SNX17: variants seen among roughly 807,000 people sequenced by gnomAD.
SNX17 encodes sorting nexin 17, also known as sorting nexin-17.
A neutral mutation model predicts 64.3 loss-of-function variants in SNX17; 35 were observed. That is an observed-to-expected ratio of 0.54 (90% CI 0.42 to 0.72). The LOEUF is 0.72. Ranked by LOEUF, SNX17 falls within the 30% of genes least tolerant of loss-of-function variation. SNX17 has a pLI of 0.00. For missense variants in SNX17, 538 were observed against 610.0 expected (o/e 0.88, Z 1.24); for synonymous variants, 259 against 230.2 (o/e 1.13, Z -1.13).
chr2:27,374,572 A>T (rs548185444), intron 7 of SNX17, 117 bp from the exon 8 acceptor site: 2 of 1,242,100 alleles, frequency 1.6e-6, no homozygotes, highest in African/African-American at 3.0e-5. Flanking sequence ...GCTTCCTCCC[A>T]CTATACCATT....
At position 27,374,800 on chromosome 2, in the gene SNX17, TAAC is replaced by T. The variant is rs777253452; in HGVS notation, c.681+43_681+45del. 2.5e-6 allele frequency: 4 copies of T among 1,578,600 alleles called. No individual in the cohort carries two copies. In the South Asian group the frequency reaches 4.4e-5, roughly 17 times the overall value. On this transcript the variant is annotated intron_variant, in intron 8 of 14. Coordinates refer to ENST00000233575, the MANE Select transcript of SNX17 (RefSeq NM_014748.4). ...CTCAGAACCCTTCCCCTGAAGAAAATAACGGGTGACTCACTCTCCCAAGAAAAC... is the reference window on the plus strand; with the variant it reads ...CTCAGAACCCTTCCCCTGAAGAAAATGGGTGACTCACTCTCCCAAGAAAAC...
intron 4 of SNX17, 74 bp downstream of exon 4, chr2:27,373,385 CAG>C: frequency 2.0e-6 from 3 of 1,495,250 alleles, no homozygotes; most frequent in South Asian, 1.1e-5. Flanking sequence ...TTTTTTGAGA[CAG>C]AGTCTTGCTC....
chr2:27,373,411 G>A lies in SNX17; in HGVS notation c.321+100G>A, dbSNP rs187060248. On this transcript the variant is annotated intron_variant, in intron 4 of 14. Coordinates refer to ENST00000233575, the MANE Select transcript of SNX17 (RefSeq NM_014748.4). ...AGAGTCTTGCTCTTTTGCACAGGCT[G>A]GAGTGCAGTGGTGCGATCTCAGCTC... 1,426 of 1,198,896 alleles carry A rather than the reference G, an allele frequency of 1.2e-3. 8 individuals carry two copies. The African/African-American group carries it at 0.019, about 16-fold the overall frequency. 74.3% of individuals were successfully genotyped at this position (1,198,896 alleles called of 1,614,324 possible).
Position 27,370,755 on chromosome 2 carries a change from C to A in SNX17, c.12C>A (p.Ser4=). 1 of 1,549,346 alleles carries A rather than the reference C, an allele frequency of 6.5e-7. No homozygotes were observed. Among genetic ancestry groups the A allele is most frequent in the South Asian group, 1.2e-5 (1 of 83,974 alleles). ...GTGCCGTAGGGAACATGCACTTTTCCATTCCCGAAACCGAGTCCCGCAGCG... is the reference window on the plus strand; with the variant it reads ...GTGCCGTAGGGAACATGCACTTTTCAATTCCCGAAACCGAGTCCCGCAGCG... The part of the protein sequence containing the change: MHF[S]IPETESRSGD... Residue 4 remains serine (S), a synonymous_variant, in exon 1 of 15, where the codon TCC becomes TCA. Coordinates refer to ENST00000233575, the MANE Select transcript of SNX17 (RefSeq NM_014748.4).
rs376932794 is a variant in SNX17 at position 27,373,228 on chromosome 2, T to G, written c.257-19T>G. 1.1e-4 allele frequency: 175 copies of G among 1,613,938 alleles called. No individual in the cohort carries two copies. Among genetic ancestry groups the G allele is most frequent in the Non-Finnish European group, 1.4e-4 (166 of 1,179,956 alleles). On this transcript the variant is annotated intron_variant, in intron 3 of 14. Coordinates refer to ENST00000233575, the MANE Select transcript of SNX17 (RefSeq NM_014748.4). ...AGTGAGTGCTAAGTTCCTGTAATAA[T>G]GTTCTCTTGTCCTCGTAGTTCGGCA...
chr2:27,373,397 CTT>C (rs928765454), intron 4 of SNX17, 86 bp downstream of exon 4: 11 of 1,407,810 alleles, frequency 7.8e-6, no homozygotes, highest in Non-Finnish European at 1.1e-5. Context: ...GAGTCTTGCT[CTT>C]TTGCACAGGC....
At chr2:27,376,444 G>A (rs760469075) in intron 13 of SNX17, 35 bp from the exon 14 acceptor site, 6 of 1,613,868 alleles carry the variant, frequency 3.7e-6, no homozygotes, top group East Asian at 2.2e-5. Context: ...ACCTCTCCTA[G>A]TGAGTTTCTG....
At chr2:27,372,509 G>A (rs954404399) in intron 2 of SNX17, 114 bp from the exon 3 acceptor site, 3 of 1,466,098 alleles carry the variant, frequency 2.0e-6, no homozygotes, top group African/African-American at 1.4e-5. Context: ...GTAGACAGGG[G>A]AACAGGGACT....
At chr2:27,371,585 C>T (rs1478319719) in intron 2 of SNX17, 4 of 706,594 alleles carry the variant, frequency 5.7e-6, no homozygotes, top group Non-Finnish European at 6.0e-6. Context: ...AGTCTTACTG[C>T]TCTAGTAGCC....
chr2:27,370,719 C>A lies in SNX17; in HGVS notation c.-25C>A. 6.5e-7 allele frequency: 1 copy of A among 1,541,870 alleles called. No homozygotes were observed. The highest frequency in any genetic ancestry group is 1.2e-5 in the South Asian group (1 of 83,588). ...CGCTGCGGCCCTCACAGTCCGGAGC[C>A]CGGCCGTGCCGTGCCGTAGGGAACA... is the stretch of plus-strand genomic sequence containing the variant. On this transcript the variant is annotated 5_prime_UTR_variant, in exon 1 of 15. Transcript: ENST00000233575.
rs575791621 is a variant in SNX17, at chr2:27,376,678, G to A, written c.1372G>A (p.Gly458Ser). 9.9e-6 allele frequency: 16 copies of A among 1,614,174 alleles called. No homozygotes were observed. The highest frequency in any genetic ancestry group is 1.2e-5 in the Non-Finnish European group (14 of 1,180,024). The change falls in exon 15 of 15, where the codon GGC becomes AGC. Residue 458 changes from glycine (G) to serine (S), a missense_variant. Gly to Ser is a moderately conservative substitution (Grantham distance 56, BLOSUM62 0). Transcript: ENST00000233575. ...AGATGCCAGTGCCAGTGATGTCCAC[G>A]GCAATTTCGCCTTCGAGGGCATTGG... is the stretch of plus-strand genomic sequence containing the variant. ...STDASASDVH[G>S]NFAFEGIGDE... is the part of the protein sequence containing the mutation.
intron 1 of SNX17, 107 bp from the exon 2 acceptor site, chr2:27,371,162 G>T (rs1365053945): frequency 1.0e-6 from 1 of 998,156 alleles, no homozygotes; most frequent in African/African-American, 1.6e-5. Flanking sequence ...TCCCTCGGGA[G>T]ATTAGCGCGT....
chr2:27,374,157 G>A lies in SNX17; in HGVS notation c.505G>A (p.Glu169Lys). The A allele has an allele frequency of 6.2e-7, 1 of 1,614,030 alleles. No individual in the cohort carries two copies. The change falls in exon 6 of 15, where the codon GAG (glutamate) becomes AAG (lysine). Residue 169 changes from glutamate (E) to lysine (K), a missense_variant. Glu to Lys is a moderately conservative substitution (Grantham distance 56, BLOSUM62 1). Around this residue, in one of 3 missense-constraint regions of SNX17, gnomAD observed 505 missense variants for 550.4 expected, o/e 0.92. Coordinates refer to ENST00000233575, the MANE Select transcript of SNX17 (RefSeq NM_014748.4). ...YFSLFLVREKEDGAFSFVRKL... is the reference protein window; with the variant it reads ...YFSLFLVREKKDGAFSFVRKL... ...TAGTCTATTCTTAGTTCGAGAAAAA[G>A]AGGATGGAGCCTTTTCTTGTGAGTT... is the stretch of plus-strand genomic sequence containing the variant.
In SNX17 at chr2:27,373,983, G is replaced by A; in HGVS notation, c.432+12G>A. 6.2e-7 allele frequency: 1 copy of A among 1,612,654 alleles called. No homozygotes were observed. ...AGGATGTCCTGGAGGTGAGGCGCTT[G>A]TTCAGCACTGCCCCTTCTTCCCCTA... is the stretch of plus-strand genomic sequence containing the variant. On this transcript the variant is annotated intron_variant, in intron 5 of 14. Coordinates refer to ENST00000233575, the MANE Select transcript of SNX17 (RefSeq NM_014748.4).
chr2:27,374,003 C>G (rs746707458), intron 5 of SNX17, 32 bp downstream of exon 5: 50 of 1,609,138 alleles, frequency 3.1e-5, no homozygotes, highest in Non-Finnish European at 3.9e-5. Flanking sequence ...GCCCCTTCTT[C>G]CCCTACATCC....
In SNX17 at chr2:27,377,281, A is replaced by C. The variant is rs1683346904; in HGVS notation, c.*562A>C. 1 of 621,040 alleles carries C rather than the reference A, an allele frequency of 1.6e-6. No individual in the cohort carries two copies. Among genetic ancestry groups the C allele is most frequent in the African/African-American group, 1.8e-5 (1 of 54,112 alleles). 38.5% of individuals were successfully genotyped at this position (621,040 alleles called of 1,614,324 possible). Reference sequence around the variant, plus strand: ...ATAAAGCACTGAAATAAGTTAAATAAACAGGTGGGAGGCTGGGCAGTCCCC... The same window carrying C: ...ATAAAGCACTGAAATAAGTTAAATACACAGGTGGGAGGCTGGGCAGTCCCC... On this transcript the variant is annotated 3_prime_UTR_variant, in exon 15 of 15. Coordinates refer to ENST00000233575, the MANE Select transcript of SNX17 (RefSeq NM_014748.4). This position sits in a 1 kb window ranked among gnomAD's most constrained non-coding sequence, Gnocchi z 4.4.
chr2:27,377,364 C>G lies in SNX17; in HGVS notation c.*645C>G. The stretch of plus-strand genomic sequence containing the variant: ...GGAGGTGAATACAGGGCCCTTCTCA[C>G]TGAGCTCGTGAAGTGCCTCAGTCAA... On this transcript the variant is annotated 3_prime_UTR_variant, in exon 15 of 15. Transcript: ENST00000233575. The surrounding 1 kb of genome is among the most constrained non-coding windows in gnomAD (Gnocchi z 4.4). The G allele has an allele frequency of 4.1e-6, 3 of 733,668 alleles. No homozygotes were observed. Among genetic ancestry groups the G allele is most frequent in the Non-Finnish European group, 7.2e-6 (3 of 413,878 alleles). The allele number at this position is 733,668 out of a possible 1,614,324, so 45.4% of individuals were successfully genotyped here.
intron 7 of SNX17, 66 bp from the exon 8 acceptor site, chr2:27,374,623 T>C: frequency 6.6e-7 from 1 of 1,520,092 alleles, no homozygotes; most frequent in Non-Finnish European, 9.1e-7. Context: ...TTGCCCATTT[T>C]CCATTCTACC....
intron 3 of SNX17, 111 bp downstream of exon 3, chr2:27,372,851 CTT>C: frequency 2.2e-5 from 31 of 1,419,808 alleles, no homozygotes; most frequent in Non-Finnish European, 3.0e-5. Context: ...TAGGAAGGCT[CTT>C]GTTTGATCTG....
Sources: gnomAD v4.1 joint callset for allele counts on GRCh38, gnomAD v4.1.1 for gene constraint, gnomAD v4.1.1 regional missense constraint, Gnocchi (gnomAD v3.1) non-coding constraint, MANE v1.5 for transcripts, NCBI Gene and HGNC (gene_info 2026-07-23, HGNC 2026-07-21) for gene names.